SLC44A5: variants seen among roughly 807,000 people sequenced by gnomAD.
SLC44A5 encodes choline transporter-like protein 5.
SLC44A5 carries 57 observed loss-of-function variants against 101.8 expected under a neutral mutation model. The ratio of observed to expected loss-of-function variants is 0.56; its 90% confidence interval spans 0.45 to 0.70. SLC44A5 has a LOEUF of 0.70. Among genes scored for constraint, SLC44A5 ranks in the 30% least tolerant of loss-of-function variants. The probability of loss-of-function intolerance (pLI) is 0.00; values close to 1 mark genes in which losing one functional copy is unlikely to be tolerated. For missense variants in SLC44A5, 737 were observed against 853.1 expected, an observed-to-expected ratio of 0.86 and a Z score of 1.70; for synonymous variants, 281 against 290.9, an observed-to-expected ratio of 0.97 and a Z score of 0.35.
intron 3 of SLC44A5, chr1:75,354,025 C>A (rs1272309579): frequency 9.1e-6 from 3 of 331,240 alleles, no homozygotes; most frequent in Non-Finnish European, 1.7e-5. Context: ...CTTTCACTCA[C>A]TACTGATTTT....
the SLC44A5 span, among the ~76,000 whole-genome samples, chr1:75,620,232 C>T: frequency 0.72 from 110,031 of 152,038 alleles, 40,171 homozygotes; most frequent in East Asian, 0.96. Flanking sequence ...CAGTCTATCA[C>T]TGTTGGGCCT....
chr1:75,619,078 AAG>A, the SLC44A5 span, among the ~76,000 whole-genome samples: 3 of 10,184 alleles, frequency 2.9e-4, no homozygotes, highest in Admixed American at 8.2e-4. Context: ...CTCAAAAAAA[AAG>A]GGGGGGGGGA....
chr1:75,586,861 A>C (rs1674032954), intron 1 of SLC44A5, among the ~76,000 whole-genome samples: 1 of 152,052 alleles, frequency 6.6e-6, no homozygotes, highest in Non-Finnish European at 1.5e-5. Flanking sequence ...AATGCATGAA[A>C]TAGAGTAAAT....
At chr1:75,412,615 C>G (rs1663353639) in intron 2 of SLC44A5, among the ~76,000 whole-genome samples, 1 of 152,184 alleles carries the variant, frequency 6.6e-6, no homozygotes, top group Non-Finnish European at 1.5e-5. Flanking sequence ...ACAGTCCTCT[C>G]TCATCCACAG....
chr1:75,253,294 G>A (rs1649735192), intron 6 of SLC44A5, among the ~76,000 whole-genome samples: 1 of 152,082 alleles, frequency 6.6e-6, no homozygotes, highest in Non-Finnish European at 1.5e-5. Flanking sequence ...CTGAGCTTGG[G>A]GATTGGAAGA....
intron 2 of SLC44A5, among the ~76,000 whole-genome samples, chr1:75,485,620 G>T (rs1160736260): frequency 6.6e-6 from 1 of 152,154 alleles, no homozygotes; most frequent in Non-Finnish European, 1.5e-5. Flanking sequence ...CTGCTTCCCA[G>T]TTCCAAAGTC....
Position 75,261,761 on chromosome 1 carries a change from C to A in SLC44A5, c.261-10467G>T, listed in dbSNP as rs574077448. ...CCCTGATGAACATGGATGCGAAAATCCTCAATAAAATACTGGCAAACTGAG... is the reference window on the plus strand; with the variant it reads ...CCCTGATGAACATGGATGCGAAAATACTCAATAAAATACTGGCAAACTGAG... On this transcript the variant is annotated intron_variant, in intron 6 of 23. Transcript: ENST00000370859. Among the ~76,000 whole-genome samples, 179 of 152,072 alleles carry A rather than the reference C, an allele frequency of 1.2e-3. 1 individual carries two copies. Among genetic ancestry groups the A allele is most frequent in the Non-Finnish European group, 1.7e-3 (116 of 68,020 alleles).
At chr1:75,629,306 T>C in the SLC44A5 span, among the ~76,000 whole-genome samples, 2 of 152,094 alleles carry the variant, frequency 1.3e-5, no homozygotes. Context: ...AACAAGCTAA[T>C]GACATTGAAA....
At chr1:75,541,312 A>C in intron 2 of SLC44A5, 123 bp downstream of exon 2, 1 of 721,650 alleles carries the variant, frequency 1.4e-6, no homozygotes, top group South Asian at 1.9e-5. Flanking sequence ...TTCCAGGTGC[A>C]GCTTCCAGTG....
At chr1:75,571,177 C>T (rs528347048) in intron 1 of SLC44A5, among the ~76,000 whole-genome samples, 1 of 152,084 alleles carries the variant, frequency 6.6e-6, no homozygotes, top group Admixed American at 6.5e-5. Flanking sequence ...ACTCTGCAAA[C>T]AGGAAAAATA....
chr1:75,654,595 T>C, the SLC44A5 span, among the ~76,000 whole-genome samples: 2 of 152,164 alleles, frequency 1.3e-5, no homozygotes, highest in Non-Finnish European at 2.9e-5. Flanking sequence ...GGAATATGCC[T>C]GTGGATTCAT....
At chr1:75,461,414 ATAT>A (rs1409784850) in intron 2 of SLC44A5, among the ~76,000 whole-genome samples, 1 of 152,194 alleles carries the variant, frequency 6.6e-6, no homozygotes, top group African/African-American at 2.4e-5. Flanking sequence ...GAGGTAAATA[ATAT>A]TATTAGTTCA....
chr1:75,691,720 A>G, the SLC44A5 span, among the ~76,000 whole-genome samples: 1 of 152,162 alleles, frequency 6.6e-6, no homozygotes, highest in African/African-American at 2.4e-5. Context: ...CAAGGTGCAA[A>G]CCAATTCAGT....
At chr1:75,608,938 C>G (rs1002188703) in intron 1 of SLC44A5, among the ~76,000 whole-genome samples, 8 of 151,804 alleles carry the variant, frequency 5.3e-5, no homozygotes, top group African/African-American at 1.9e-4. Context: ...TTAATATCAA[C>G]AATGTATTCA....
chr1:75,630,483 A>G, the SLC44A5 span, among the ~76,000 whole-genome samples: 2 of 152,194 alleles, frequency 1.3e-5, no homozygotes, highest in Admixed American at 6.5e-5. Context: ...CACTGGTAAG[A>G]TGCTCAAGTT....
intron 5 of SLC44A5, among the ~76,000 whole-genome samples, chr1:75,295,315 T>A (rs1252630440): frequency 2.0e-5 from 3 of 152,204 alleles, no homozygotes. Flanking sequence ...CTTCAGAAGG[T>A]CACTTGAGTG....
chr1:75,315,373 A>G (rs1655613685), intron 4 of SLC44A5, among the ~76,000 whole-genome samples: 1 of 152,176 alleles, frequency 6.6e-6, no homozygotes, highest in Admixed American at 6.5e-5. Context: ...TCCCAATAAT[A>G]TTTAATATTG....
chr1:75,564,257 T>C (rs574227591), intron 1 of SLC44A5, among the ~76,000 whole-genome samples: 10 of 152,204 alleles, frequency 6.6e-5, no homozygotes, highest in Non-Finnish European at 1.2e-4. Context: ...TGTTTCTTCA[T>C]TGGGAGAATT....
At chr1:75,680,833 T>A in the SLC44A5 span, among the ~76,000 whole-genome samples, 2 of 149,664 alleles carry the variant, frequency 1.3e-5, no homozygotes, top group Non-Finnish European at 1.5e-5. Context: ...GCTGGTTTTT[T>A]GAAAGGATCA....
Sources: allele counts gnomAD v4.1 joint callset (sites outside exome capture counted in the v4.1 genomes callset), GRCh38; gene constraint gnomAD v4.1.1; transcripts MANE v1.5; gene names NCBI Gene and HGNC (gene_info 2026-07-23, HGNC 2026-07-21).